PCDHGB4: variants seen among roughly 807,000 people sequenced by gnomAD.
The protein encoded by PCDHGB4 is protocadherin gamma-B4.
A neutral mutation model predicts 60.5 loss-of-function variants in PCDHGB4; 38 were observed. That is an observed-to-expected ratio of 0.63 (90% CI 0.48 to 0.82). PCDHGB4 has a LOEUF of 0.82. Among genes scored for constraint, PCDHGB4 ranks in the 40% least tolerant of loss-of-function variants. The pLI is 0.00. For missense variants in PCDHGB4, 1,109 were observed against 1,209.6 expected (o/e 0.92, Z 1.23); for synonymous variants, 456 against 509.7 (o/e 0.89, Z 1.42).
intron 1 of PCDHGB4, chr5:141,417,732 C>G (rs2096153715): frequency 4.3e-6 from 6 of 1,390,462 alleles, no homozygotes; most frequent in Non-Finnish European, 3.8e-6. Flanking sequence ...AGACCTTGCC[C>G]AGCACACCAG....
intron 1 of PCDHGB4, among the ~76,000 whole-genome samples, chr5:141,443,592 G>A (rs2098395439): frequency 6.6e-6 from 1 of 152,076 alleles, no homozygotes; most frequent in Admixed American, 6.6e-5. Context: ...AACAGAATGT[G>A]GTATATGAAA....
At chr5:141,441,494 ACCAGG>A (rs1325946941) in intron 1 of PCDHGB4, 1 of 170,360 alleles carries the variant, frequency 5.9e-6, no homozygotes, top group Non-Finnish European at 1.3e-5. Flanking sequence ...CTGGTTTTCT[ACCAGG>A]CCTCCTACGT....
chr5:141,475,679 T>A (rs967189869), intron 1 of PCDHGB4, among the ~76,000 whole-genome samples: 2 of 152,236 alleles, frequency 1.3e-5, no homozygotes, highest in African/African-American at 4.8e-5. Flanking sequence ...GAGTCTTGAT[T>A]TGGATTGGAG....
At chr5:141,457,820 C>CTCAG (rs2098930320) in intron 1 of PCDHGB4, among the ~76,000 whole-genome samples, 1 of 152,198 alleles carries the variant, frequency 6.6e-6, no homozygotes, top group African/African-American at 2.4e-5. Flanking sequence ...CCAAGATAAA[C>CTCAG]TCAGAGCTTC....
At chr5:141,399,591 G>A (rs2093843307) in intron 1 of PCDHGB4, 1 of 1,613,970 alleles carries the variant, frequency 6.2e-7, no homozygotes. Flanking sequence ...ACTCTATCAT[G>A]GCCAGCGACC....
At chr5:141,443,751 A>C (rs1372334547) in intron 1 of PCDHGB4, among the ~76,000 whole-genome samples, 3 of 152,230 alleles carry the variant, frequency 2.0e-5, no homozygotes, top group African/African-American at 7.2e-5. Context: ...GTGAATTGGA[A>C]GCTTACAATA....
rs1248983040 is a variant in PCDHGB4, at chr5:141,476,937, G to T, written c.2398-17870G>T. 3.1e-6 allele frequency: 5 copies of T among 1,614,186 alleles called. No homozygotes were observed. Among genetic ancestry groups the T allele is most frequent in the Non-Finnish European group, 4.2e-6 (5 of 1,180,050 alleles). The stretch of plus-strand genomic sequence containing the variant: ...GTCCTTGCAACGGATCTGGATGAAG[G>T]CCCCAACGGTGAAATTATTTACTCC... On this transcript the variant is annotated intron_variant, in intron 1 of 3. Coordinates refer to ENST00000519479, the MANE Select transcript of PCDHGB4 (RefSeq NM_003736.4). This position sits in a 1 kb window ranked among gnomAD's most constrained non-coding sequence, Gnocchi z 7.6.
At chr5:141,498,991 AG>A (rs1449718352) in intron 2 of PCDHGB4, among the ~76,000 whole-genome samples, 8 of 144,362 alleles carry the variant, frequency 5.5e-5, no homozygotes, top group Non-Finnish European at 1.0e-4. Context: ...GAAGGAAGGA[AG>A]GAAGGAAGGA....
intron 1 of PCDHGB4, among the ~76,000 whole-genome samples, chr5:141,458,102 A>G (rs1314999618): frequency 6.6e-6 from 1 of 152,246 alleles, no homozygotes; most frequent in Admixed American, 6.5e-5. Context: ...GTACTTACAG[A>G]TAGTCTCCAA....
chr5:141,388,118 C>G lies in PCDHGB4; in HGVS notation c.234C>G (p.Ser78Arg), dbSNP rs771996326. 7.1e-7 allele frequency: 1 copy of G among 1,412,700 alleles called. No individual in the cohort carries two copies. The highest frequency in any genetic ancestry group is 1.4e-5 in the African/African-American group (1 of 69,248). The allele number at this position is 1,412,700 out of a possible 1,614,324, so 87.5% of individuals were successfully genotyped here. The part of the protein sequence containing the change: ...VSSEKPYFTV[S>R]AESGELLVSS... ...CGGAGAAGCCTTACTTCACCGTGAGCGCAGAGAGCGGGGAGTTGCTTGTGA... is the reference window on the plus strand; with the variant it reads ...CGGAGAAGCCTTACTTCACCGTGAGGGCAGAGAGCGGGGAGTTGCTTGTGA... Residue 78 changes from serine (S) to arginine (R), a missense_variant, in exon 1 of 4, where the codon AGC becomes AGG. Physicochemically the swap from Ser to Arg is moderately radical, Grantham distance 110 (BLOSUM62 -1). This residue lies in a region of PCDHGB4 where 41 missense variants were observed against 119.7 expected (regional missense o/e 0.34). Coordinates refer to ENST00000519479, the MANE Select transcript of PCDHGB4 (RefSeq NM_003736.4).
At position 141,511,462 on chromosome 5, in the gene PCDHGB4, C is replaced by A. The variant is rs1385398410; in HGVS notation, c.*289C>A. ...AGACACCAAGAACCATTTGCCACAC[C>A]CCGTTTAGTTACAGCTGAACTCCTC... On this transcript the variant is annotated 3_prime_UTR_variant, in exon 4 of 4. Coordinates refer to ENST00000519479, the MANE Select transcript of PCDHGB4 (RefSeq NM_003736.4). The A allele has an allele frequency of 4.7e-5, 26 of 556,350 alleles. No individual in the cohort carries two copies. Among genetic ancestry groups the A allele is most frequent in the Non-Finnish European group, 9.1e-6 (3 of 329,202 alleles). 34.5% of individuals were successfully genotyped at this position (556,350 alleles called of 1,614,324 possible). A position where few individuals can be genotyped will look rare whatever the true frequency, so the allele number is the denominator to read the frequency against.
intron 1 of PCDHGB4, among the ~76,000 whole-genome samples, chr5:141,467,397 TAGAA>T (rs1326936900): frequency 6.6e-6 from 1 of 152,106 alleles, no homozygotes; most frequent in Non-Finnish European, 1.5e-5. Flanking sequence ...AAGTCATAGT[TAGAA>T]AGCCTTTCCC....
intron 1 of PCDHGB4, chr5:141,418,820 G>A: frequency 6.2e-7 from 1 of 1,613,918 alleles, no homozygotes. Flanking sequence ...AAACATAGAA[G>A]CAAAAGACCG....
rs1285653916 is a variant in PCDHGB4, at chr5:141,388,617, G to A, written c.733G>A (p.Asp245Asn). ...ANDNAPVFSQ[D>N]VYRVSLSENV... ...TGATAATGCTCCAGTGTTCAGTCAA[G>A]ACGTATACAGGGTGAGCCTTTCAGA... is the stretch of plus-strand genomic sequence containing the variant. Residue 245 changes from aspartate to asparagine, a missense_variant, in exon 1 of 4, where the codon GAC becomes AAC. Physicochemically the swap from Asp to Asn is conservative, Grantham distance 23. This residue lies in a region of PCDHGB4 where 1,068 missense variants were observed against 1,089.9 expected (regional missense o/e 0.98). Coordinates refer to ENST00000519479, the MANE Select transcript of PCDHGB4 (RefSeq NM_003736.4). The A allele has an allele frequency of 3.1e-6, 5 of 1,613,920 alleles. No individual in the cohort carries two copies. The South Asian group carries it at 5.5e-5, about 18-fold the overall frequency.
chr5:141,409,857 T>C (rs761331515), intron 1 of PCDHGB4: 2 of 1,612,228 alleles, frequency 1.2e-6, no homozygotes, highest in African/African-American at 2.7e-5. Context: ...CGCGTGTTGG[T>C]GGGAGACCGC....
intron 1 of PCDHGB4, chr5:141,410,296 A>G (rs1424650333): frequency 6.2e-7 from 1 of 1,613,774 alleles, no homozygotes; most frequent in Admixed American, 1.7e-5. Flanking sequence ...CCTTGGCCTT[A>G]ATCTCAGTGC....
intron 1 of PCDHGB4, chr5:141,418,165 T>G (rs1296752918): frequency 6.2e-7 from 1 of 1,614,034 alleles, no homozygotes. Flanking sequence ...GAAGAAGATG[T>G]GAGTTGCAAT....
chr5:141,422,077 A>C (rs2096622436), intron 1 of PCDHGB4: 1 of 1,612,340 alleles, frequency 6.2e-7, no homozygotes, highest in Admixed American at 1.7e-5. Flanking sequence ...TTCATTTCGG[A>C]ACATGGAAAG....
At chr5:141,441,793 C>T (rs961624726) in intron 1 of PCDHGB4, 7 of 391,390 alleles carry the variant, frequency 1.8e-5, no homozygotes, top group Non-Finnish European at 3.6e-5. Flanking sequence ...AATGACAACG[C>T]ACCGCGGGTG....
Sources: allele counts gnomAD v4.1 joint callset (sites outside exome capture counted in the v4.1 genomes callset), GRCh38; gene constraint gnomAD v4.1.1; regional missense constraint gnomAD v4.1.1; non-coding constraint Gnocchi (gnomAD v3.1); transcripts MANE v1.5; gene names NCBI Gene and HGNC (gene_info 2026-07-23, HGNC 2026-07-21).